Variants in PLXDC2 observed in about 807,000 individuals in gnomAD.
The protein encoded by PLXDC2 is plexin domain-containing protein 2.
Under a neutral mutation model 68.9 loss-of-function variants are expected in PLXDC2, and 40 were observed. That is an observed-to-expected ratio of 0.58 (90% confidence interval 0.45 to 0.76). The LOEUF is 0.76. Ranked by LOEUF, PLXDC2 falls within the 30% of genes least tolerant of loss-of-function variation. PLXDC2 has a pLI of 0.00. For synonymous variants in PLXDC2, 243 were observed against 234.2 expected, an observed-to-expected ratio of 1.04 and a Z score of -0.34; for missense variants, 644 against 661.9, an observed-to-expected ratio of 0.97 and a Z score of 0.30.
chr10:20,251,104 C>T (rs537481255), intron 13 of PLXDC2, among the ~76,000 whole-genome samples: 17 of 152,264 alleles, frequency 1.1e-4, no homozygotes, highest in African/African-American at 3.9e-4. Context: ...GAGTTCCATT[C>T]TCCTAAAACA....
chr10:20,200,399 G>T (rs936714095), intron 9 of PLXDC2, among the ~76,000 whole-genome samples: 1 of 151,940 alleles, frequency 6.6e-6, no homozygotes, highest in African/African-American at 2.4e-5. Context: ...AAAAAGGTGA[G>T]GTTGTGTATT....
chr10:19,920,197 G>T (rs1356991510), intron 1 of PLXDC2, among the ~76,000 whole-genome samples: 1 of 152,148 alleles, frequency 6.6e-6, no homozygotes, highest in African/African-American at 2.4e-5. Flanking sequence ...GGAAGAGCAT[G>T]GTCCCTTTAA....
At chr10:20,149,971 A>T (rs58556876) in intron 6 of PLXDC2, among the ~76,000 whole-genome samples, 2 of 152,266 alleles carry the variant, frequency 1.3e-5, no homozygotes, top group Admixed American at 6.5e-5. Flanking sequence ...ATTCACAGAA[A>T]ATGATGCAGA....
chr10:20,151,680 A>G (rs1834154572), intron 6 of PLXDC2, among the ~76,000 whole-genome samples: 2 of 152,158 alleles, frequency 1.3e-5, no homozygotes, highest in Non-Finnish European at 2.9e-5. Flanking sequence ...TAGACTTGTC[A>G]TATCACACAA....
At chr10:20,199,863 A>G (rs1834893106) in intron 9 of PLXDC2, among the ~76,000 whole-genome samples, 1 of 151,994 alleles carries the variant, frequency 6.6e-6, no homozygotes, top group Non-Finnish European at 1.5e-5. Flanking sequence ...TATTCAACAG[A>G]GGATTCTGAG....
intron 1 of PLXDC2, among the ~76,000 whole-genome samples, chr10:19,865,395 T>C (rs1368460072): frequency 3.9e-5 from 6 of 152,188 alleles, no homozygotes; most frequent in Non-Finnish European, 4.4e-5. Flanking sequence ...TACATGACAA[T>C]GGTAGAGTTG....
chr10:20,273,314 A>T (rs1174896121), intron 13 of PLXDC2, among the ~76,000 whole-genome samples: 1 of 152,194 alleles, frequency 6.6e-6, no homozygotes, highest in African/African-American at 2.4e-5. Context: ...GTTCAAAACA[A>T]GAAAATCTTC....
intron 1 of PLXDC2, among the ~76,000 whole-genome samples, chr10:19,881,042 G>A (rs911941438): frequency 4.6e-5 from 7 of 152,102 alleles, no homozygotes; most frequent in African/African-American, 1.2e-4. Flanking sequence ...ATCTTTGAAC[G>A]AGTTGAGGGT....
Position 20,287,991 on chromosome 10 carries a change from G to T in PLXDC2, c.*8172G>T. 1 of 128,390 alleles carries T rather than the reference G, an allele frequency of 7.8e-6. No homozygotes were observed. The highest frequency in any genetic ancestry group is 1.7e-5 in the Non-Finnish European group (1 of 60,338). The allele number at this position is 128,390 out of a possible 1,614,324, so 8.0% of individuals were successfully genotyped here. A position where few individuals can be genotyped will look rare whatever the true frequency, so the allele number is the denominator to read the frequency against. On this transcript the variant is annotated 3_prime_UTR_variant, in exon 14 of 14. Coordinates refer to ENST00000377252, the MANE Select transcript of PLXDC2 (RefSeq NM_032812.9). ...GCACTTCTTGCGGCGGGGGAGGGGG[G>T]GGGGGCGGTGGCTTTCCAGATTTTA...
At chr10:20,260,161 CTA>C (rs1042261761) in intron 13 of PLXDC2, among the ~76,000 whole-genome samples, 3 of 152,090 alleles carry the variant, frequency 2.0e-5, no homozygotes, top group Admixed American at 2.0e-4. Context: ...GGAATTTATC[CTA>C]TCCATCACCT....
intron 4 of PLXDC2, among the ~76,000 whole-genome samples, chr10:20,099,788 T>C (rs1484612173): frequency 6.6e-6 from 1 of 152,104 alleles, no homozygotes; most frequent in Non-Finnish European, 1.5e-5. Flanking sequence ...ATTCTTTTAA[T>C]TATGTTTAAT....
At chr10:19,822,513 T>C (rs74321634) in intron 1 of PLXDC2, among the ~76,000 whole-genome samples, 1,583 of 152,244 alleles carry the variant, frequency 0.01, 26 homozygotes, top group African/African-American at 0.037. Flanking sequence ...CTAGCTCATA[T>C]GGTGGTTTTA....
intron 1 of PLXDC2, among the ~76,000 whole-genome samples, chr10:19,997,547 T>C (rs1170102987): frequency 1.3e-5 from 2 of 152,224 alleles, no homozygotes; most frequent in South Asian, 4.1e-4. Context: ...GTGCTTTGTA[T>C]GTAAAACTCA....
At chr10:20,135,443 C>G (rs1833921515) in intron 4 of PLXDC2, among the ~76,000 whole-genome samples, 1 of 152,150 alleles carries the variant, frequency 6.6e-6, no homozygotes, top group South Asian at 2.1e-4. Context: ...TTAACATTAA[C>G]TAAGAACATG....
chr10:20,273,513 C>T (rs1286480178), intron 13 of PLXDC2, among the ~76,000 whole-genome samples: 1 of 151,170 alleles, frequency 6.6e-6, no homozygotes, highest in East Asian at 1.9e-4. Flanking sequence ...AGGACATATA[C>T]ATAGAGCACG....
chr10:20,035,472 G>A (rs1305042023), intron 2 of PLXDC2, among the ~76,000 whole-genome samples: 1 of 152,102 alleles, frequency 6.6e-6, no homozygotes, highest in Non-Finnish European at 1.5e-5. Context: ...CGAGGAGGGT[G>A]GATCACTTGA....
At chr10:20,076,706 A>C (rs142892806) in intron 4 of PLXDC2, among the ~76,000 whole-genome samples, 1 of 152,132 alleles carries the variant, frequency 6.6e-6, no homozygotes, top group Non-Finnish European at 1.5e-5. Context: ...GTGTTTAGGA[A>C]CCTAATCCAT....
At chr10:20,260,850 A>G (rs575136546) in intron 13 of PLXDC2, among the ~76,000 whole-genome samples, 56 of 152,254 alleles carry the variant, frequency 3.7e-4, no homozygotes, top group African/African-American at 1.3e-3. Context: ...CACCCTTCCC[A>G]ACACTTGTTA....
At chr10:19,977,118 C>T (rs1484181578) in intron 1 of PLXDC2, among the ~76,000 whole-genome samples, 1 of 152,116 alleles carries the variant, frequency 6.6e-6, no homozygotes, top group African/African-American at 2.4e-5. Flanking sequence ...AGGCATTCTT[C>T]AGATGTTGTG....
Sources: gnomAD v4.1 joint callset for allele counts (sites outside exome capture counted in the v4.1 genomes callset) on GRCh38, gnomAD v4.1.1 for gene constraint, MANE v1.5 for transcripts, NCBI Gene and HGNC (gene_info 2026-07-23, HGNC 2026-07-21) for gene names.